CYRIB: variants seen among roughly 807,000 people sequenced by gnomAD.
The protein encoded by CYRIB is CYFIP-related Rac1 interactor B.
In CYRIB, 8 loss-of-function variants were observed where a neutral mutation model predicts 44.2. The observed-to-expected ratio is 0.18, with a 90% CI of 0.11 to 0.33. The LOEUF (loss-of-function observed/expected upper bound fraction) is 0.33, where lower values mean the gene tolerates loss of function less well. Ranked by LOEUF, CYRIB falls within the 10% of genes least tolerant of loss-of-function variation. The pLI is 1.00. For synonymous variants in CYRIB, 131 were observed against 127.2 expected (o/e 1.03, Z -0.20); for missense variants, 185 against 382.8 (o/e 0.48, Z 4.31).
In CYRIB at chr8:129,949,402, C is replaced by T. The variant is rs2094376952; in HGVS notation, c.-243+21541G>A. 2.0e-5 allele frequency: 3 copies of T among 152,312 alleles called. No homozygotes were observed. The South Asian group carries it at 6.2e-4, about 32-fold the overall frequency. 9.4% of individuals were successfully genotyped at this position (152,312 alleles called of 1,614,324 possible). ...TCAGATGAGAAAATGGAGGGACAAA[C>T]AGTTCAAGTACTTTGCCATAGGTTA... is the stretch of plus-strand genomic sequence containing the variant. On this transcript the variant is annotated intron_variant, in intron 2 of 14. Transcript: ENST00000401979.
At chr8:129,937,298 G>T (rs1382762449) in intron 1 of CYRIB, among the ~76,000 whole-genome samples, 2 of 152,164 alleles carry the variant, frequency 1.3e-5, no homozygotes, top group Non-Finnish European at 2.9e-5. Flanking sequence ...CAATGTAAGA[G>T]AAAATTGTAG....
intron 1 of CYRIB, among the ~76,000 whole-genome samples, chr8:129,990,178 G>A (rs1479742361): frequency 2.6e-5 from 4 of 152,026 alleles, no homozygotes; most frequent in Admixed American, 6.6e-5. Context: ...CACAGTGTGG[G>A]CACCAAGTAG....
intron 7 of CYRIB, among the ~76,000 whole-genome samples, chr8:129,852,728 G>A (rs188067068): frequency 5.3e-5 from 8 of 152,246 alleles, no homozygotes; most frequent in Admixed American, 3.3e-4. Context: ...GGTAAACAAG[G>A]TATTCCAATC....
upstream of CYRIB, chr8:130,016,509 GGCAGCA>G (rs543173556): frequency 5.1e-5 from 8 of 157,996 alleles, no homozygotes; most frequent in East Asian, 1.9e-4. Context: ...CCGCCGCGGC[GGCAGCA>G]GCAGCAGCAG....
intron 2 of CYRIB, among the ~76,000 whole-genome samples, chr8:129,950,430 C>T (rs551742334): frequency 7.2e-5 from 11 of 152,218 alleles, no homozygotes; most frequent in South Asian, 2.1e-4. Context: ...ATTAGCCAGA[C>T]GTGGTGACGT....
At chr8:129,991,747 CGAG>C (rs1238667130) in intron 1 of CYRIB, among the ~76,000 whole-genome samples, 1 of 149,822 alleles carries the variant, frequency 6.7e-6, no homozygotes, top group Non-Finnish European at 1.5e-5. Flanking sequence ...GCCAGGAGTT[CGAG>C]ACCAACCTAG....
intron 1 of CYRIB, among the ~76,000 whole-genome samples, chr8:129,996,227 C>G (rs2096761236): frequency 6.6e-6 from 1 of 152,170 alleles, no homozygotes; most frequent in Non-Finnish European, 1.5e-5. Context: ...CTATGGGAAG[C>G]CCTCCTTAAC....
chr8:130,002,349 TGCTC>T (rs2096926178), intron 1 of CYRIB, among the ~76,000 whole-genome samples: 1 of 152,230 alleles, frequency 6.6e-6, no homozygotes, highest in Non-Finnish European at 1.5e-5. Flanking sequence ...TGGTCCCAGC[TGCTC>T]GGGACGCTGA....
intron 2 of CYRIB, among the ~76,000 whole-genome samples, chr8:129,885,566 T>G (rs990543018): frequency 1.3e-5 from 2 of 152,190 alleles, no homozygotes; most frequent in Admixed American, 6.5e-5. Context: ...GACTGTCTAG[T>G]GCCTTGTAGG....
chr8:129,914,257 G>T (rs1048385096), intron 1 of CYRIB, among the ~76,000 whole-genome samples: 12 of 152,190 alleles, frequency 7.9e-5, no homozygotes, highest in African/African-American at 2.2e-4. Context: ...GAATATAAAT[G>T]GAGTTACAAA....
exon 7 of CYRIB, chr8:129,854,323 C>T: frequency 6.2e-7 from 1 of 1,609,610 alleles, no homozygotes; most frequent in Non-Finnish European, 8.5e-7. Flanking sequence ...TGAAATCATT[C>T]TGTATGGCAG....
chr8:129,940,841 G>C (rs558707698), upstream of CYRIB, among the ~76,000 whole-genome samples: 1 of 152,198 alleles, frequency 6.6e-6, no homozygotes, highest in South Asian at 2.1e-4. Flanking sequence ...TTTTCCCCCC[G>C]GGAAAATACA....
chr8:129,860,708 C>G (rs938964171), intron 5 of CYRIB, among the ~76,000 whole-genome samples: 9 of 151,626 alleles, frequency 5.9e-5, no homozygotes, highest in Non-Finnish European at 7.4e-5. Context: ...GGCCAAATAG[C>G]AAATATAAAT....
upstream of CYRIB, chr8:130,016,509 GGC>G: frequency 6.3e-6 from 1 of 157,958 alleles, no homozygotes; most frequent in Non-Finnish European, 1.4e-5. Flanking sequence ...CCGCCGCGGC[GGC>G]AGCAGCAGCA....
At chr8:129,996,291 C>T (rs946903756) in intron 1 of CYRIB, among the ~76,000 whole-genome samples, 2 of 152,156 alleles carry the variant, frequency 1.3e-5, no homozygotes, top group Admixed American at 6.5e-5. Flanking sequence ...CCACAGGCCA[C>T]GGCAGCTCAG....
At chr8:129,923,557 G>A (rs2085251770) in intron 1 of CYRIB, among the ~76,000 whole-genome samples, 1 of 152,082 alleles carries the variant, frequency 6.6e-6, no homozygotes, top group African/African-American at 2.4e-5. Context: ...TTACAGGTGT[G>A]AGTCACTGCA....
intron 2 of CYRIB, among the ~76,000 whole-genome samples, chr8:129,882,341 A>G (rs2061085854): frequency 6.6e-6 from 1 of 152,204 alleles, no homozygotes; most frequent in South Asian, 2.1e-4. Flanking sequence ...AATATCTTAA[A>G]TTCCTATTAT....
intron 3 of CYRIB, among the ~76,000 whole-genome samples, chr8:129,877,495 A>G (rs565156105): frequency 1.3e-5 from 2 of 152,180 alleles, no homozygotes; most frequent in Non-Finnish European, 2.9e-5. Flanking sequence ...CAAAAATATG[A>G]AAAATTAGCT....
At chr8:129,994,401 G>T (rs1412174143) in intron 1 of CYRIB, among the ~76,000 whole-genome samples, 1 of 152,224 alleles carries the variant, frequency 6.6e-6, no homozygotes, top group African/African-American at 2.4e-5. Context: ...TCCCCAGTTT[G>T]TGAGATGTGT....
Sources: gnomAD v4.1 joint callset for allele counts (sites outside exome capture counted in the v4.1 genomes callset) on GRCh38, gnomAD v4.1.1 for gene constraint, MANE v1.5 for transcripts, NCBI Gene and HGNC (gene_info 2026-07-23, HGNC 2026-07-21) for gene names.